COL13A1: variants seen among roughly 807,000 people sequenced by gnomAD.
COL13A1 encodes the protein collagen type XIII alpha 1 chain.
Under a neutral mutation model 130.9 loss-of-function variants are expected in COL13A1, and 89 were observed. That is an observed-to-expected ratio of 0.68 (90% CI 0.57 to 0.81). The LOEUF is 0.81. Ranked by LOEUF, COL13A1 falls within the 30% of genes least tolerant of loss-of-function variation. The pLI, the probability that COL13A1 is intolerant of heterozygous loss-of-function variation, is 0.00. For missense variants in COL13A1, 879 were observed against 934.6 expected, an observed-to-expected ratio of 0.94 and a Z score of 0.78; for synonymous variants, 402 against 341.6, an observed-to-expected ratio of 1.18 and a Z score of -1.95.
chr10:69,943,137 T>C (rs138605361), intron 35 of COL13A1, among the ~76,000 whole-genome samples: 1 of 152,328 alleles, frequency 6.6e-6, no homozygotes, highest in African/African-American at 2.4e-5. Flanking sequence ...CGTGAGCCAC[T>C]GCGCCCAGCC....
rs183184476 is a variant in COL13A1 at position 69,947,965 on chromosome 10, G to A, written c.2058+623G>A. 2.5e-3 allele frequency among the ~76,000 whole-genome samples: 384 copies of A among 152,278 alleles called. 6 individuals carry two copies. Among genetic ancestry groups the A allele is most frequent in the African/African-American group, 8.9e-3 (368 of 41,560 alleles). ...CAGCCACATAACAGGGGGTGGCACC[G>A]ACCACAGCCTTCAGCATTTGGGCCC... On this transcript the variant is annotated intron_variant, in intron 38 of 40. Transcript: ENST00000645393.
chr10:69,935,768 G>T (rs2066749641), intron 32 of COL13A1, among the ~76,000 whole-genome samples: 1 of 152,134 alleles, frequency 6.6e-6, no homozygotes, highest in South Asian at 2.1e-4. Flanking sequence ...CTGGCACTCT[G>T]GGAGGCTGAG....
chr10:69,946,763 G>A (rs760153260), intron 37 of COL13A1, among the ~76,000 whole-genome samples: 1 of 152,112 alleles, frequency 6.6e-6, no homozygotes, highest in Non-Finnish European at 1.5e-5. Context: ...CTGGAGAGGT[G>A]AGAAAACCAG....
intron 8 of COL13A1, among the ~76,000 whole-genome samples, chr10:69,888,099 A>G (rs1280092676): frequency 6.6e-6 from 1 of 152,210 alleles, no homozygotes; most frequent in Admixed American, 6.5e-5. Flanking sequence ...GGCATCCAAC[A>G]TTCTATTATT....
chr10:69,819,628 C>T (rs1589226207), intron 1 of COL13A1, among the ~76,000 whole-genome samples: 1 of 152,242 alleles, frequency 6.6e-6, no homozygotes, highest in East Asian at 1.9e-4. Flanking sequence ...AGGCTGCTTC[C>T]TTGAGCTGAG....
chr10:69,942,600 T>C (rs1369833896), intron 35 of COL13A1, among the ~76,000 whole-genome samples: 1 of 151,942 alleles, frequency 6.6e-6, no homozygotes, highest in Non-Finnish European at 1.5e-5. Flanking sequence ...GGAAAAAAAA[T>C]AAGCCTTCCC....
chr10:69,805,304 G>T (rs1390341578), intron 1 of COL13A1, among the ~76,000 whole-genome samples: 1 of 152,158 alleles, frequency 6.6e-6, no homozygotes, highest in Non-Finnish European at 1.5e-5. Context: ...AGGGGACAAT[G>T]AATGGGGGTA....
intron 28 of COL13A1, 97 bp downstream of exon 28, chr10:69,929,096 C>G: frequency 2.2e-6 from 2 of 927,148 alleles, no homozygotes; most frequent in Non-Finnish European, 3.3e-6. Context: ...CCCAGCACTA[C>G]CACCATACCC....
chr10:69,831,295 G>T lies in COL13A1; in HGVS notation c.364+8857G>T, dbSNP rs568953700. Among the ~76,000 whole-genome samples, 14 of 152,312 alleles carry T rather than the reference G, an allele frequency of 9.2e-5. No individual in the cohort carries two copies. The South Asian group carries it at 2.3e-3, about 25-fold the overall frequency. On this transcript the variant is annotated intron_variant, in intron 2 of 40. Coordinates refer to ENST00000645393, the MANE Select transcript of COL13A1 (RefSeq NM_001368882.1). ...CCCTGCCAGGACCCAGACCCAGGGGGTCAAGCCCTGCTCAGCTGGACTCTG... is the reference window on the plus strand; with the variant it reads ...CCCTGCCAGGACCCAGACCCAGGGGTTCAAGCCCTGCTCAGCTGGACTCTG...
At chr10:69,837,350 T>C (rs151075134) in intron 2 of COL13A1, among the ~76,000 whole-genome samples, 43 of 152,304 alleles carry the variant, frequency 2.8e-4, no homozygotes, top group Admixed American at 5.9e-4. Flanking sequence ...TCTTTGCTCA[T>C]TGGCACTCAG....
chr10:69,877,283 G>A (rs1402089715), intron 5 of COL13A1: 1 of 152,540 alleles, frequency 6.6e-6, no homozygotes, highest in African/African-American at 2.4e-5. Context: ...GGTCACTGTT[G>A]TTACAAGGGA....
intron 13 of COL13A1, among the ~76,000 whole-genome samples, chr10:69,898,469 A>G (rs1448722884): frequency 1.3e-5 from 2 of 152,138 alleles, no homozygotes; most frequent in Non-Finnish European, 2.9e-5. Flanking sequence ...CTCCTAAGGG[A>G]CGGCTGTGCC....
At chr10:69,871,569 G>A (rs2134071634) in intron 3 of COL13A1, among the ~76,000 whole-genome samples, 1 of 152,268 alleles carries the variant, frequency 6.6e-6, no homozygotes, top group East Asian at 1.9e-4. Context: ...ACTTACTCCT[G>A]GTGCTGCCTG....
intron 4 of COL13A1, among the ~76,000 whole-genome samples, chr10:69,872,988 G>T (rs1375716758): frequency 2.6e-5 from 4 of 152,148 alleles, no homozygotes; most frequent in Non-Finnish European, 5.9e-5. Flanking sequence ...ACTTTGCTCT[G>T]TGGAGTCTAG....
In COL13A1 at chr10:69,802,236, GC is replaced by G. The variant is rs1379001183; in HGVS notation, c.-187del. On this transcript the variant is annotated 5_prime_UTR_variant, in exon 1 of 41. Coordinates refer to ENST00000645393, the MANE Select transcript of COL13A1 (RefSeq NM_001368882.1). ...GTGTACCCCAATTACCGCTGGTTGT[GC>G]TTTTTCGGCACTTCCTCTCCTACTG... The G allele has an allele frequency of 1.6e-6, 1 of 634,168 alleles. No homozygotes were observed. The highest frequency in any genetic ancestry group is 3.0e-5 in the South Asian group (1 of 33,218). The allele number at this position is 634,168 out of a possible 1,614,324, so 39.3% of individuals were successfully genotyped here. A position where few individuals can be genotyped will look rare whatever the true frequency, so the allele number is the denominator to read the frequency against.
In COL13A1 at chr10:69,836,324, C is replaced by G. The variant is rs574422465; in HGVS notation, c.364+13886C>G. On this transcript the variant is annotated intron_variant, in intron 2 of 40. Transcript: ENST00000645393. ...CAGGATTCCAGCCCTGGGAGGCCGG[C>G]CCCAATCAAGGCGGGGCCAAGGCAG... is the stretch of plus-strand genomic sequence containing the variant. Among the ~76,000 whole-genome samples the G allele has an allele frequency of 5.9e-5, 9 of 152,148 alleles. No individual in the cohort carries two copies. The East Asian group carries it at 1.2e-3, about 20-fold the overall frequency.
At chr10:69,807,783 A>AT (rs1304640344) in intron 1 of COL13A1, among the ~76,000 whole-genome samples, 1 of 152,144 alleles carries the variant, frequency 6.6e-6, no homozygotes, top group Non-Finnish European at 1.5e-5. Context: ...CAGGGGTGGG[A>AT]TCCAGACCCC....
At chr10:69,925,676 G>T in intron 25 of COL13A1, 128 bp from the exon 26 acceptor site, 1 of 660,930 alleles carries the variant, frequency 1.5e-6, no homozygotes. Context: ...CCAGGGCCCC[G>T]CTGGCTGTTC....
At chr10:69,860,231 AG>A (rs748803157) in intron 2 of COL13A1, among the ~76,000 whole-genome samples, 68 of 152,312 alleles carry the variant, frequency 4.5e-4, no homozygotes, top group Middle Eastern at 6.8e-3. Context: ...ACGAAGTGTC[AG>A]GGTACTTGGA....
Sources: gnomAD v4.1 joint callset for allele counts (sites outside exome capture counted in the v4.1 genomes callset) on GRCh38, gnomAD v4.1.1 for gene constraint, MANE v1.5 for transcripts, NCBI Gene and HGNC (gene_info 2026-07-23, HGNC 2026-07-21) for gene names.